KIAA1217: variants seen among roughly 807,000 people sequenced by gnomAD.
KIAA1217 encodes the protein sickle tail protein homolog.
A neutral mutation model predicts 163.9 loss-of-function variants in KIAA1217; 88 were observed. That is an observed-to-expected ratio of 0.54 (90% CI 0.45 to 0.64). The LOEUF (loss-of-function observed/expected upper bound fraction) is 0.64. KIAA1217 is among the 30% of genes least tolerant of loss of function. KIAA1217 has a pLI of 0.00. For missense variants in KIAA1217, 2,372 were observed against 2,475.0 expected (o/e 0.96, Z 0.88); for synonymous variants, 903 against 923.1 (o/e 0.98, Z 0.39).
chr10:24,543,143 CT>C lies in KIAA1217; in HGVS notation c.3874del (p.Ser1292LeufsTer10), dbSNP rs1564904977. On this transcript the variant is annotated frameshift_variant, in exon 19 of 21. Transcript: ENST00000376454. LOFTEE classifies it high-confidence loss of function. ...GGTCTAAAATCTCAGGCCTGCAATACTCTATACCTGACACCGAGAACCAGAC... is the reference window on the plus strand; with the variant it reads ...GGTCTAAAATCTCAGGCCTGCAATACCTATACCTGACACCGAGAACCAGAC... The part of the protein sequence containing the change: ...KGSKISGLQY[S>X]IPDTENQTLN... The C allele has an allele frequency of 6.2e-7, 1 of 1,612,858 alleles. No homozygotes were observed. The highest frequency in any genetic ancestry group is 8.5e-7 in the Non-Finnish European group (1 of 1,179,830).
chr10:24,328,237 G>A (rs950614317), intron 2 of KIAA1217, among the ~76,000 whole-genome samples: 1 of 152,206 alleles, frequency 6.6e-6, no homozygotes, highest in African/African-American at 2.4e-5. Flanking sequence ...AGGGGGTTAT[G>A]TAGCAGGGAA....
intron 5 of KIAA1217, among the ~76,000 whole-genome samples, chr10:24,445,811 T>G (rs1033796752): frequency 1.1e-4 from 16 of 152,152 alleles, no homozygotes; most frequent in African/African-American, 3.9e-4. Context: ...TCCAAGTCTT[T>G]GCTATTGTGA....
chr10:24,221,976 G>A (rs1032994920), intron 2 of KIAA1217, among the ~76,000 whole-genome samples: 9 of 152,100 alleles, frequency 5.9e-5, no homozygotes, highest in East Asian at 1.9e-4. Context: ...ATGAGACCCC[G>A]TCTCTAAAAC....
chr10:23,709,767 C>T (rs1430730467), intron 1 of KIAA1217, among the ~76,000 whole-genome samples: 3 of 151,968 alleles, frequency 2.0e-5, no homozygotes, highest in African/African-American at 7.3e-5. Context: ...ATCATTTTTT[C>T]TGTTTAACTC....
intron 5 of KIAA1217, among the ~76,000 whole-genome samples, chr10:24,450,902 T>C (rs942104750): frequency 2.6e-5 from 4 of 152,236 alleles, no homozygotes; most frequent in Admixed American, 2.6e-4. Flanking sequence ...TAATCAAATA[T>C]AGATGACTTA....
chr10:23,705,055 G>T (rs750737424), intron 1 of KIAA1217, among the ~76,000 whole-genome samples: 9 of 152,074 alleles, frequency 5.9e-5, no homozygotes, highest in Non-Finnish European at 1.2e-4. Context: ...ATGAGGTTAG[G>T]TATCTTTTCA....
intron 5 of KIAA1217, chr10:24,466,539 GTCAGCTTCTC>G: frequency 1.0e-6 from 1 of 985,338 alleles, no homozygotes; most frequent in Non-Finnish European, 1.2e-6. Flanking sequence ...CCATGCCAGT[GTCAGCTTCTC>G]TCCGAAAACT....
chr10:24,320,735 C>G (rs761011784), intron 2 of KIAA1217, among the ~76,000 whole-genome samples: 2 of 152,138 alleles, frequency 1.3e-5, no homozygotes, highest in Non-Finnish European at 2.9e-5. Flanking sequence ...CATAAGTCAC[C>G]TAAGAACATC....
intron 2 of KIAA1217, among the ~76,000 whole-genome samples, chr10:24,242,026 C>A (rs1590164588): frequency 6.6e-6 from 1 of 152,290 alleles, no homozygotes; most frequent in East Asian, 1.9e-4. Flanking sequence ...GCATTGAGGA[C>A]TCTCATTCCC....
At chr10:23,824,658 A>AT (rs1379535101) in intron 1 of KIAA1217, among the ~76,000 whole-genome samples, 1,029 of 52,862 alleles carry the variant, frequency 0.019, 19 homozygotes, top group East Asian at 0.04. Flanking sequence ...AAATAAAAAA[A>AT]ATATATATAT....
intron 2 of KIAA1217, among the ~76,000 whole-genome samples, chr10:24,379,021 G>T (rs962258126): frequency 3.3e-5 from 5 of 152,160 alleles, no homozygotes; most frequent in African/African-American, 9.7e-5. Flanking sequence ...TATGGTTTCT[G>T]CCGTGAGCTA....
intron 1 of KIAA1217, among the ~76,000 whole-genome samples, chr10:23,993,480 G>GGAAGAT (rs1335322932): frequency 1.3e-5 from 2 of 150,824 alleles, no homozygotes; most frequent in Admixed American, 1.3e-4. Context: ...GAAGCTCCAT[G>GGAAGAT]GAAGATATCC....
intron 1 of KIAA1217, among the ~76,000 whole-genome samples, chr10:23,778,269 G>C (rs142558971): frequency 6.6e-6 from 1 of 152,072 alleles, no homozygotes; most frequent in African/African-American, 2.4e-5. Flanking sequence ...GCAGGTAGAC[G>C]CACCAGTTGC....
At chr10:24,198,848 C>T (rs193013664) in intron 2 of KIAA1217, among the ~76,000 whole-genome samples, 14 of 152,190 alleles carry the variant, frequency 9.2e-5, no homozygotes, top group African/African-American at 3.1e-4. Context: ...GAGTGAGTAA[C>T]GAGATGGATG....
intron 1 of KIAA1217, among the ~76,000 whole-genome samples, chr10:23,696,535 C>A (rs1041367099): frequency 6.6e-6 from 1 of 152,234 alleles, no homozygotes; most frequent in Admixed American, 6.5e-5. Context: ...TTCACTCCAT[C>A]CCTCCCATAC....
In KIAA1217 at chr10:24,471,935, G is replaced by A. The variant is rs72776781; in HGVS notation, c.847-1293G>A. Among the ~76,000 whole-genome samples, 633 of 146,248 alleles carry A rather than the reference G, an allele frequency of 4.3e-3. 3 individuals carry two copies. Among genetic ancestry groups the A allele is most frequent in the Non-Finnish European group, 7.3e-3 (485 of 66,748 alleles). Reference sequence around the variant, plus strand: ...ATCTGTGTAGAACTTTTACCTCCCCGCAAACTTAACTACTCACAGCCTACT... The same window carrying A: ...ATCTGTGTAGAACTTTTACCTCCCCACAAACTTAACTACTCACAGCCTACT... On this transcript the variant is annotated intron_variant, in intron 5 of 20. Coordinates refer to ENST00000376454, the MANE Select transcript of KIAA1217 (RefSeq NM_019590.5).
intron 2 of KIAA1217, among the ~76,000 whole-genome samples, chr10:24,227,578 G>A (rs1033288769): frequency 6.6e-6 from 1 of 151,160 alleles, no homozygotes; most frequent in Non-Finnish European, 1.5e-5. Flanking sequence ...TGTTGCCCAG[G>A]CTGGAGTGCA....
chr10:24,060,192 T>C (rs1347191786), intron 2 of KIAA1217, among the ~76,000 whole-genome samples: 1 of 152,180 alleles, frequency 6.6e-6, no homozygotes, highest in African/African-American at 2.4e-5. Flanking sequence ...TATTTATTTC[T>C]GTTCTAATCT....
At chr10:24,140,233 G>A (rs770373853) in intron 2 of KIAA1217, among the ~76,000 whole-genome samples, 18 of 151,826 alleles carry the variant, frequency 1.2e-4, no homozygotes, top group Admixed American at 8.5e-4. Flanking sequence ...GGTGGCAGGC[G>A]CCTGTAGTCC....
Sources: gnomAD v4.1 joint callset for allele counts (sites outside exome capture counted in the v4.1 genomes callset) on GRCh38, gnomAD v4.1.1 for gene constraint, MANE v1.5 for transcripts, NCBI Gene and HGNC (gene_info 2026-07-23, HGNC 2026-07-21) for gene names.